Variants in IPO7 observed in about 807,000 individuals in gnomAD.
IPO7 encodes the protein importin-7.
In IPO7, 13 loss-of-function variants were observed where a neutral mutation model predicts 136.4. The ratio of observed to expected loss-of-function variants is 0.10; its 90% confidence interval spans 0.06 to 0.15. The LOEUF is 0.15. IPO7 is among the 10% of genes least tolerant of loss of function. The pLI is 1.00. For missense variants in IPO7, 857 were observed against 1,240.6 expected, an observed-to-expected ratio of 0.69 and a Z score of 4.65; for synonymous variants, 403 against 404.4, an observed-to-expected ratio of 1.00 and a Z score of 0.04.
chr11:9,386,424 G>C (rs1854552793), intron 1 of IPO7, among the ~76,000 whole-genome samples: 1 of 152,090 alleles, frequency 6.6e-6, no homozygotes, highest in African/African-American at 2.4e-5. Context: ...ATAGACATGG[G>C]TTAAGTTGAA....
intron 6 of IPO7, among the ~76,000 whole-genome samples, chr11:9,419,558 AAAT>A (rs1198302084): frequency 1.0e-3 from 139 of 133,698 alleles, no homozygotes; most frequent in Non-Finnish European, 1.6e-3. Context: ...AAAAAAAAAA[AAAT>A]ATATATATAT....
chr11:9,393,896 A>G (rs1289589114), intron 1 of IPO7, among the ~76,000 whole-genome samples: 1 of 151,870 alleles, frequency 6.6e-6, no homozygotes, highest in Non-Finnish European at 1.5e-5. Flanking sequence ...TAATTTTTTT[A>G]TTTTTTTGAG....
intron 16 of IPO7, among the ~76,000 whole-genome samples, chr11:9,432,584 GATTA>G (rs144034060): frequency 4.0e-3 from 603 of 152,294 alleles, no homozygotes; most frequent in African/African-American, 0.014. Flanking sequence ...TGTTTTAACA[GATTA>G]ATTGTTTATT....
At chr11:9,392,573 T>C (rs1158958696) in intron 1 of IPO7, among the ~76,000 whole-genome samples, 1 of 152,302 alleles carries the variant, frequency 6.6e-6, no homozygotes, top group South Asian at 2.1e-4. Context: ...TTCTACCTCC[T>C]GTGTTCCTTA....
chr11:9,427,721 G>A (rs577364728), intron 12 of IPO7, among the ~76,000 whole-genome samples: 192 of 152,314 alleles, frequency 1.3e-3, no homozygotes, highest in Middle Eastern at 3.4e-3. Context: ...GCTTCACTTA[G>A]TGGTAATACC....
At chr11:9,402,368 C>T (rs1854810359) in intron 1 of IPO7, among the ~76,000 whole-genome samples, 1 of 142,666 alleles carries the variant, frequency 7.0e-6, no homozygotes, top group South Asian at 2.3e-4. Flanking sequence ...CCACTGCACT[C>T]CAGCCCAGGC....
intron 16 of IPO7, among the ~76,000 whole-genome samples, chr11:9,432,137 C>T (rs1306919137): frequency 6.6e-6 from 1 of 151,584 alleles, no homozygotes; most frequent in Non-Finnish European, 1.5e-5. Context: ...TGTAATGTAT[C>T]TCTTATCCGT....
chr11:9,384,676 G>T lies in IPO7; in HGVS notation c.-88G>T. On this transcript the variant is annotated 5_prime_UTR_variant, in exon 1 of 25. Transcript: ENST00000379719. ...TCCTTTCGCGCCGGTTGCCGCTGCG[G>T]AGCGCGGCGGGTCCATGTGCGCAGT... 1 of 1,121,624 alleles carries T rather than the reference G, an allele frequency of 8.9e-7. No individual in the cohort carries two copies. The highest frequency in any genetic ancestry group is 1.3e-6 in the Non-Finnish European group (1 of 785,252). 69.5% of individuals were successfully genotyped at this position (1,121,624 alleles called of 1,614,324 possible).
rs368487060 is a variant in IPO7 at position 9,429,671 on chromosome 11, C to T, written c.1592-3C>T. On this transcript the variant is annotated splice_polypyrimidine_tract_variant and splice_region_variant and intron_variant, in intron 14 of 24. Coordinates refer to ENST00000379719, the MANE Select transcript of IPO7 (RefSeq NM_006391.3). ...CGCAAGTTTTTTACTCTTTCTCTTA[C>T]AGCTAAAGAATATATCACACCATTC... 7 of 1,596,554 alleles carry T rather than the reference C, an allele frequency of 4.4e-6. No homozygotes were observed. The highest frequency in any genetic ancestry group is 4.1e-5 in the African/African-American group (3 of 73,902).
In IPO7 at chr11:9,408,782, G is replaced by A. The variant is rs559892127; in HGVS notation, c.320+143G>A. On this transcript the variant is annotated intron_variant, in intron 3 of 24. Coordinates refer to ENST00000379719, the MANE Select transcript of IPO7 (RefSeq NM_006391.3). ...GCTGGAGTGCAGTGGCACGATCCTT[G>A]CTCACTGCAGCCTCCGCCTCCCAGG... 5.8e-5 allele frequency: 27 copies of A among 464,732 alleles called. No individual in the cohort carries two copies. The African/African-American group carries it at 6.1e-4, about 10-fold the overall frequency. The allele number at this position is 464,732 out of a possible 1,614,324, so 28.8% of individuals were successfully genotyped here.
intron 1 of IPO7, among the ~76,000 whole-genome samples, chr11:9,399,870 C>T (rs909885832): frequency 6.6e-6 from 1 of 152,156 alleles, no homozygotes; most frequent in Non-Finnish European, 1.5e-5. Flanking sequence ...CCCTTTCATC[C>T]ACCTAACTCC....
At chr11:9,420,298 A>T in intron 6 of IPO7, 113 bp from the exon 7 acceptor site, 1 of 674,036 alleles carries the variant, frequency 1.5e-6, no homozygotes, top group South Asian at 2.0e-5. Flanking sequence ...CCATCTCAAA[A>T]AAAAAAAGGC....
chr11:9,405,937 G>T (rs542727129), intron 2 of IPO7, among the ~76,000 whole-genome samples: 1 of 150,992 alleles, frequency 6.6e-6, no homozygotes, highest in Admixed American at 6.6e-5. Flanking sequence ...TGCCCAGGCC[G>T]GGGTGCAGTG....
At chr11:9,444,363 TA>T (rs1353515848) in intron 24 of IPO7, among the ~76,000 whole-genome samples, 1 of 151,368 alleles carries the variant, frequency 6.6e-6, no homozygotes, top group East Asian at 2.0e-4. Context: ...TTTTATAAAT[TA>T]AAAAAATTAT....
chr11:9,404,588 C>T (rs1356676637), intron 2 of IPO7, among the ~76,000 whole-genome samples: 2 of 113,176 alleles, frequency 1.8e-5, no homozygotes, highest in Non-Finnish European at 3.4e-5. Context: ...TTTTTTGAGA[C>T]GGAGTCTCGC....
intron 10 of IPO7, 84 bp from the exon 11 acceptor site, chr11:9,424,830 C>A (rs1855181479): frequency 1.1e-6 from 1 of 870,772 alleles, no homozygotes; most frequent in Non-Finnish European, 1.9e-6. Context: ...CATTTTCATA[C>A]CTTATGTAAA....
At chr11:9,417,816 G>T (rs910323329) in intron 6 of IPO7, among the ~76,000 whole-genome samples, 1 of 144,912 alleles carries the variant, frequency 6.9e-6, no homozygotes, top group African/African-American at 2.6e-5. Flanking sequence ...AGGTTCACGC[G>T]ATTCTCATGC....
At chr11:9,428,434 AAT>A (rs1855243892) in intron 12 of IPO7, 104 bp from the exon 13 acceptor site, 10 of 507,892 alleles carry the variant, frequency 2.0e-5, no homozygotes, top group Non-Finnish European at 3.5e-5. Context: ...AATGAGAATA[AAT>A]ATATGTAACA....
intron 1 of IPO7, among the ~76,000 whole-genome samples, chr11:9,398,675 A>G (rs923069745): frequency 3.3e-5 from 5 of 152,344 alleles, no homozygotes; most frequent in Admixed American, 2.6e-4. Context: ...CAACAACGTA[A>G]TGATCAAATC....
Sources: gnomAD v4.1 joint callset for allele counts (sites outside exome capture counted in the v4.1 genomes callset) on GRCh38, gnomAD v4.1.1 for gene constraint, MANE v1.5 for transcripts, NCBI Gene and HGNC (gene_info 2026-07-23, HGNC 2026-07-21) for gene names.